Variants in CHD3 observed in about 807,000 individuals in gnomAD.
CHD3 encodes the protein ATP-dependent chromatin remodeler CHD3.
A neutral mutation model predicts 248.9 loss-of-function variants in CHD3; 52 were observed. The ratio of observed to expected loss-of-function variants is 0.21; its 90% CI spans 0.17 to 0.26. The LOEUF (loss-of-function observed/expected upper bound fraction) is 0.26. CHD3 is among the 10% of genes least tolerant of loss of function. The pLI, the probability that CHD3 is intolerant of heterozygous loss-of-function variation, is 1.00. For synonymous variants in CHD3, 985 were observed against 985.2 expected (o/e 1.00, Z 0.00); for missense variants, 1,482 against 2,605.8 (o/e 0.57, Z 9.39).
chr17:7,907,555 G>A lies in CHD3; in HGVS notation c.4925-46G>A, dbSNP rs1056012874. 4 of 1,527,782 alleles carry A rather than the reference G, an allele frequency of 2.6e-6. No individual in the cohort carries two copies. Among genetic ancestry groups the A allele is most frequent in the African/African-American group, 1.4e-5 (1 of 71,972 alleles). 94.6% of individuals were successfully genotyped at this position (1,527,782 alleles called of 1,614,324 possible). ...GGATTTCCCTCTTCTGGGGTCAGGG[G>A]ATGAGGGTAACATCCTCCCTTCCTA... On this transcript the variant is annotated intron_variant, in intron 32 of 39. Transcript: ENST00000330494. The surrounding 1 kb of genome is among the most constrained non-coding windows in gnomAD (Gnocchi z 4.3).
chr17:7,893,598 T>C lies in CHD3; in HGVS notation c.793+29T>C. 1.9e-6 allele frequency: 3 copies of C among 1,540,340 alleles called. No individual in the cohort carries two copies. The South Asian group carries it at 3.8e-5, about 19-fold the overall frequency. ...GGGAACTCTCTTCCAACAACTGTCA[T>C]CTCACCTTCCAAACTGCATGTCTTC... On this transcript the variant is annotated intron_variant, in intron 5 of 39. Transcript: ENST00000330494.
Position 7,899,339 on chromosome 17 carries a change from C to T in CHD3, c.2344-4C>T, listed in dbSNP as rs373177060. On this transcript the variant is annotated splice_region_variant and splice_polypyrimidine_tract_variant and intron_variant, in intron 14 of 39. Coordinates refer to ENST00000330494, the MANE Select transcript of CHD3 (RefSeq NM_001005273.3). The surrounding 1 kb of genome is among the most constrained non-coding windows in gnomAD (Gnocchi z 6.8). ...CTTATGCTGCCCCCATTCTTGACTC[C>T]CAGGGCCACACAAAAGGTCCCTTCC... 1.5e-4 allele frequency: 235 copies of T among 1,614,002 alleles called. No homozygotes were observed. In the Middle Eastern group the frequency reaches 3.1e-3, roughly 22 times the overall value.
chr17:7,894,848 T>A, intron 8 of CHD3, 69 bp from the exon 9 acceptor site: 2 of 1,585,480 alleles, frequency 1.3e-6, no homozygotes, highest in Non-Finnish European at 1.7e-6. Context: ...GTCCTGTCTT[T>A]GCCTGTATCT....
In CHD3 at chr17:7,911,403, C is replaced by T; in HGVS notation, c.5882-61C>T. The stretch of plus-strand genomic sequence containing the variant: ...CCTAGAAGTGAGAATTCACCATTGT[C>T]ATGAAGTGACGTTTGAGAGTGATCT... On this transcript the variant is annotated intron_variant, in intron 39 of 39. Coordinates refer to ENST00000330494, the MANE Select transcript of CHD3 (RefSeq NM_001005273.3). This position sits in a 1 kb window ranked among gnomAD's most constrained non-coding sequence, Gnocchi z 5.4. 3 of 1,612,802 alleles carry T rather than the reference C, an allele frequency of 1.9e-6. No homozygotes were observed. The highest frequency in any genetic ancestry group is 2.5e-6 in the Non-Finnish European group (3 of 1,179,416).
chr17:7,898,360 G>A (rs1195947090), intron 12 of CHD3, 136 bp from the exon 13 acceptor site: 1 of 757,358 alleles, frequency 1.3e-6, no homozygotes, highest in Non-Finnish European at 2.1e-6. Context: ...AAAGGGCAAG[G>A]GTAAAGAGCC....
chr17:7,894,135 A>G lies in CHD3; in HGVS notation c.945A>G (p.Glu315=). 1 of 1,612,742 alleles carries G rather than the reference A, an allele frequency of 6.2e-7. No homozygotes were observed. Among genetic ancestry groups the G allele is most frequent in the South Asian group, 1.1e-5 (1 of 90,994 alleles). The change falls in exon 7 of 40, where the codon GAA becomes GAG. Residue 315 remains glutamate (E), a synonymous_variant. Transcript: ENST00000330494. Reference sequence around the variant, plus strand: ...GGCAGTATGTTTTTCAGAGCGACGAAGGTCCTGAACCAGAGGCTGAGGAAT... The same window carrying G: ...GGCAGTATGTTTTTCAGAGCGACGAGGGTCCTGAACCAGAGGCTGAGGAAT... ...KGGSYVFQSD[E]GPEPEAEESD... is the part of the protein sequence containing the mutation.
chr17:7,900,582 G>A lies in CHD3; in HGVS notation c.2829G>A (p.Glu943=), dbSNP rs61744663. The part of the protein sequence containing the change: ...RFNNLEGFLE[E]FADISKEDQI... ...GCAACTTGGAGGGCTTCCTGGAGGA[G>A]TTTGCTGACATATCCAAAGAGGACC... Residue 943 remains glutamate, a synonymous_variant, in exon 18 of 40, where the codon GAG becomes GAA. Transcript: ENST00000330494. This position sits in a 1 kb window ranked among gnomAD's most constrained non-coding sequence, Gnocchi z 6.5. The A allele has an allele frequency of 2.1e-3, 3,466 of 1,613,898 alleles. 63 individuals are homozygous for A. In the African/African-American group the frequency reaches 0.041, roughly 19 times the overall value.
At position 7,895,659 on chromosome 17, in the gene CHD3, T is replaced by C; in HGVS notation, c.1707+117T>C. 2 of 886,468 alleles carry C rather than the reference T, an allele frequency of 2.3e-6. No individual in the cohort carries two copies. The highest frequency in any genetic ancestry group is 3.6e-6 in the Non-Finnish European group (2 of 563,268). The allele number at this position is 886,468 out of a possible 1,614,324, so 54.9% of individuals were successfully genotyped here. A position where few individuals can be genotyped will look rare whatever the true frequency, so the allele number is the denominator to read the frequency against. Reference sequence around the variant, plus strand: ...TCTTTGTTTTCTCTCATTTCAGGCCTGTGGCCTTCATACCCTACTTGCTTA... The same window carrying C: ...TCTTTGTTTTCTCTCATTTCAGGCCCGTGGCCTTCATACCCTACTTGCTTA... On this transcript the variant is annotated intron_variant, in intron 10 of 39. Coordinates refer to ENST00000330494, the MANE Select transcript of CHD3 (RefSeq NM_001005273.3). The surrounding 1 kb of genome is among the most constrained non-coding windows in gnomAD (Gnocchi z 4.9).
rs1970038962 is a variant in CHD3 at position 7,899,260 on chromosome 17, A to G, written c.2343+58A>G. On this transcript the variant is annotated intron_variant, in intron 14 of 39. Transcript: ENST00000330494. This position sits in a 1 kb window ranked among gnomAD's most constrained non-coding sequence, Gnocchi z 6.8. ...CTGGACTGGGGAAGTGGGGAGGGGG[A>G]AGATAAAGGGGTGTAGCTGGCAGAG... The G allele has an allele frequency of 5.6e-6, 9 of 1,599,856 alleles. No individual in the cohort carries two copies. The South Asian group carries it at 9.9e-5, about 18-fold the overall frequency.
chr17:7,912,183 G>A lies in CHD3; in HGVS notation c.*598G>A, dbSNP rs759400411. On this transcript the variant is annotated 3_prime_UTR_variant, in exon 40 of 40. Transcript: ENST00000330494. Reference sequence around the variant, plus strand: ...ACTGCTGTTCAGCCTCAGAATAAAGGTGCCGTTCACTGGCTCAGTTACCTC... The same window carrying A: ...ACTGCTGTTCAGCCTCAGAATAAAGATGCCGTTCACTGGCTCAGTTACCTC... The A allele has an allele frequency of 5.5e-5, 10 of 181,334 alleles. No individual in the cohort carries two copies. Among genetic ancestry groups the A allele is most frequent in the Non-Finnish European group, 1.1e-4 (10 of 87,774 alleles). 11.2% of individuals were successfully genotyped at this position (181,334 alleles called of 1,614,324 possible). A position where few individuals can be genotyped will look rare whatever the true frequency, so the allele number is the denominator to read the frequency against.
At position 7,910,587 on chromosome 17, in the gene CHD3, C is replaced by T; in HGVS notation, c.5750C>T (p.Thr1917Ile). 1.9e-6 allele frequency: 3 copies of T among 1,608,612 alleles called. No individual in the cohort carries two copies. Among genetic ancestry groups the T allele is most frequent in the Non-Finnish European group, 2.5e-6 (3 of 1,179,116 alleles). Residue 1917 changes from threonine to isoleucine, a missense_variant, in exon 38 of 40, where the codon ACA becomes ATA. By Grantham distance (89) the Thr-to-Ile change is moderately conservative (BLOSUM62 -1). Coordinates refer to ENST00000330494, the MANE Select transcript of CHD3 (RefSeq NM_001005273.3). This position sits in a 1 kb window ranked among gnomAD's most constrained non-coding sequence, Gnocchi z 4.7. Reference sequence around the variant, plus strand: ...AGCAAGGGCACGGAGCCTCACCCCACACCGGTAACCCTCTTTCCCCCTAGC... The same window carrying T: ...AGCAAGGGCACGGAGCCTCACCCCATACCGGTAACCCTCTTTCCCCCTAGC... The part of the protein sequence containing the change: ...LASKGTEPHP[T>I]PAYPPGPYAT...
Position 7,904,258 on chromosome 17 carries a change from A to G in CHD3, c.3895-184A>G, listed in dbSNP as rs1970648827. The G allele has an allele frequency of 1.6e-6, 1 of 631,270 alleles. No homozygotes were observed. The highest frequency in any genetic ancestry group is 2.9e-5 in the Admixed American group (1 of 34,048). The allele number at this position is 631,270 out of a possible 1,614,324, so 39.1% of individuals were successfully genotyped here. A position where few individuals can be genotyped will look rare whatever the true frequency, so the allele number is the denominator to read the frequency against. On this transcript the variant is annotated intron_variant, in intron 24 of 39. Coordinates refer to ENST00000330494, the MANE Select transcript of CHD3 (RefSeq NM_001005273.3). The surrounding 1 kb of genome is among the most constrained non-coding windows in gnomAD (Gnocchi z 4.4). ...GGAGAGATTTAGAAAACATGAGGAG[A>G]GCACATTGCAGGTAAGAGATGGCAT...
Position 7,905,088 on chromosome 17 carries a change from C to T in CHD3, c.4073-12C>T. ...GCCCTCCCTGACCACTGGGCCCTTT[C>T]CACCCCCACAGACAACCAGTCAGAG... On this transcript the variant is annotated splice_polypyrimidine_tract_variant and intron_variant, in intron 25 of 39. Transcript: ENST00000330494. The surrounding 1 kb of genome is among the most constrained non-coding windows in gnomAD (Gnocchi z 5.8). 1 of 1,613,848 alleles carries T rather than the reference C, an allele frequency of 6.2e-7. No individual in the cohort carries two copies. The highest frequency in any genetic ancestry group is 8.5e-7 in the Non-Finnish European group (1 of 1,179,778).
rs1474075648 is a variant in CHD3 at position 7,910,764 on chromosome 17, G to A, written c.5755-83G>A. ...ATCCTACCCTTAGCAGTTGTGGAGT[G>A]TGGCTCATAATGTCTCTCCTACAGC... On this transcript the variant is annotated intron_variant, in intron 38 of 39. Coordinates refer to ENST00000330494, the MANE Select transcript of CHD3 (RefSeq NM_001005273.3). This position sits in a 1 kb window ranked among gnomAD's most constrained non-coding sequence, Gnocchi z 4.7. 3.9e-6 allele frequency: 6 copies of A among 1,540,388 alleles called. No homozygotes were observed. Among genetic ancestry groups the A allele is most frequent in the Non-Finnish European group, 5.2e-6 (6 of 1,143,162 alleles).
Position 7,893,431 on chromosome 17 carries a change from G to GCAGCAT in CHD3, c.656_657insAGCATC (p.Ala219_Val220insAlaSer). 1 of 1,612,352 alleles carries GCAGCAT rather than the reference G, an allele frequency of 6.2e-7. No homozygotes were observed. Among genetic ancestry groups the GCAGCAT allele is most frequent in the Non-Finnish European group, 8.5e-7 (1 of 1,179,184 alleles). On this transcript the variant is annotated inframe_insertion, in exon 5 of 40. Transcript: ENST00000330494. Reference sequence around the variant, plus strand: ...GGCGGCAGCGGCAGCAGCAGCAGCAGCTGTAGCTGAGCAGGTGTCAGCTGC... The same window carrying GCAGCAT: ...GGCGGCAGCGGCAGCAGCAGCAGCAGCAGCATCTGTAGCTGAGCAGGTGTCAGCTGC...
In CHD3 at chr17:7,911,549, G is replaced by T. The variant is rs1567880340; in HGVS notation, c.5967G>T (p.Glu1989Asp). 6.2e-7 allele frequency: 1 copy of T among 1,614,194 alleles called. No individual in the cohort carries two copies. The highest frequency in any genetic ancestry group is 8.5e-7 in the Non-Finnish European group (1 of 1,180,020). ...TGTCAGACGGGCTGGATCGGAAGGA[G>T]CCCCGAGCCGGGGAGGTGATCTGTA... ...ALVSDGLDRK[E>D]PRAGEVICID... The change falls in exon 40 of 40, where the codon GAG becomes GAT. Residue 1989 changes from glutamate to aspartate, a missense_variant. Around this residue, in one of 20 missense-constraint regions of CHD3, gnomAD observed 117 missense variants for 137.2 expected, o/e 0.85. Transcript: ENST00000330494. This position sits in a 1 kb window ranked among gnomAD's most constrained non-coding sequence, Gnocchi z 5.4.
In CHD3 at chr17:7,908,973, G is replaced by A; in HGVS notation, c.5394+144G>A. ...AAGACCAAAGTGTAACCTTGTGCTTGGGAGTGTGATCTGGGTCAGGGTTGC... is the reference window on the plus strand; with the variant it reads ...AAGACCAAAGTGTAACCTTGTGCTTAGGAGTGTGATCTGGGTCAGGGTTGC... On this transcript the variant is annotated intron_variant, in intron 36 of 39. Coordinates refer to ENST00000330494, the MANE Select transcript of CHD3 (RefSeq NM_001005273.3). The surrounding 1 kb of genome is among the most constrained non-coding windows in gnomAD (Gnocchi z 5.8). 1 of 1,416,368 alleles carries A rather than the reference G, an allele frequency of 7.1e-7. No homozygotes were observed. The highest frequency in any genetic ancestry group is 9.7e-7 in the Non-Finnish European group (1 of 1,028,456). The allele number at this position is 1,416,368 out of a possible 1,614,324, so 87.7% of individuals were successfully genotyped here.
upstream of CHD3, chr17:7,884,928 A>G: frequency 7.3e-7 from 1 of 1,370,294 alleles, no homozygotes; most frequent in South Asian, 1.5e-5. Context: ...GCGGCCGACG[A>G]GGACGATGAG....
rs1434255566 is a variant in CHD3 at position 7,908,963 on chromosome 17, C to T, written c.5394+134C>T. ...ACCTGGGGCCAAGACCAAAGTGTAA[C>T]CTTGTGCTTGGGAGTGTGATCTGGG... On this transcript the variant is annotated intron_variant, in intron 36 of 39. Transcript: ENST00000330494. The surrounding 1 kb of genome is among the most constrained non-coding windows in gnomAD (Gnocchi z 5.8). 7.0e-6 allele frequency: 10 copies of T among 1,430,940 alleles called. No individual in the cohort carries two copies. The highest frequency in any genetic ancestry group is 8.7e-6 in the Non-Finnish European group (9 of 1,038,782). The allele number at this position is 1,430,940 out of a possible 1,614,324, so 88.6% of individuals were successfully genotyped here.
Sources: gnomAD v4.1 joint callset for allele counts on GRCh38, gnomAD v4.1.1 for gene constraint, gnomAD v4.1.1 regional missense constraint, Gnocchi (gnomAD v3.1) non-coding constraint, MANE v1.5 for transcripts, NCBI Gene and HGNC (gene_info 2026-07-23, HGNC 2026-07-21) for gene names.